Variants in F10 observed in about 807,000 individuals in gnomAD.
The protein encoded by F10 is Stuart-Prower factor.
F10 carries 29 observed loss-of-function variants against 37.1 expected under a neutral mutation model. The ratio of observed to expected loss-of-function variants is 0.78; its 90% CI spans 0.58 to 1.07. The LOEUF is 1.07. Among genes scored for constraint, F10 ranks in the 50% least tolerant of loss-of-function variants. The probability of loss-of-function intolerance (pLI) is 0.00; values close to 1 mark genes in which losing one functional copy is unlikely to be tolerated. For synonymous variants in F10, 262 were observed against 268.6 expected, an observed-to-expected ratio of 0.98 and a Z score of 0.24; for missense variants, 539 against 667.9, an observed-to-expected ratio of 0.81 and a Z score of 2.13.
chr13:113,124,758 G>A (rs571405260), intron 1 of F10, among the ~76,000 whole-genome samples: 5 of 152,260 alleles, frequency 3.3e-5, no homozygotes, highest in Non-Finnish European at 5.9e-5. Context: ...TACAAGAAAG[G>A]ACAATGGACC....
intron 2 of F10, among the ~76,000 whole-genome samples, chr13:113,133,747 C>A (rs1595090741): frequency 6.6e-6 from 1 of 152,282 alleles, no homozygotes; most frequent in East Asian, 1.9e-4. Context: ...AACAATATCT[C>A]TCATGAATCT....
At position 113,129,594 on chromosome 13, in the gene F10, T is replaced by TGAG; in HGVS notation, c.216_218dup (p.Glu72dup). 6.2e-7 allele frequency: 1 copy of TGAG among 1,614,160 alleles called. No individual in the cohort carries two copies. The highest frequency in any genetic ancestry group is 8.5e-7 in the Non-Finnish European group (1 of 1,180,014). Reference sequence around the variant, plus strand: ...CATACGAAGAGGCCCGCGAGGTCTTTGAGGACAGCGACAAGACGGTAAGGG... The same window carrying TGAG: ...CATACGAAGAGGCCCGCGAGGTCTTTGAGGAGGACAGCGACAAGACGGTAAGGG... On this transcript the variant is annotated inframe_insertion, in exon 2 of 8. Coordinates refer to ENST00000375559, the MANE Select transcript of F10 (RefSeq NM_000504.4).
rs1316981649 is a variant in F10, at chr13:113,148,931, A to T, written c.881A>T (p.Glu294Val). 1.9e-6 allele frequency: 3 copies of T among 1,613,424 alleles called. No homozygotes were observed. The Admixed American group carries it at 5.0e-5, about 27-fold the overall frequency. ...TCTGTCCCAGGGGACCGGAACACGG[A>T]GCAGGAGGAGGGCGGTGAGGCGGTG... is the stretch of plus-strand genomic sequence containing the variant. ...FKVRVGDRNT[E>V]QEEGGEAVHE... Residue 294 changes from glutamate (E) to valine (V), a missense_variant, in exon 8 of 8, where the codon GAG becomes GTG. By Grantham distance (121) the Glu-to-Val change is moderately radical. This residue lies in a region of F10 where 409 missense variants were observed against 547.9 expected (regional missense o/e 0.75). Coordinates refer to ENST00000375559, the MANE Select transcript of F10 (RefSeq NM_000504.4).
intron 1 of F10, chr13:113,128,956 G>A (rs1367994248): frequency 5.9e-6 from 1 of 170,790 alleles, no homozygotes; most frequent in African/African-American, 2.4e-5. Context: ...ATGGTAAGGG[G>A]GTTCTCTACA....
In F10 at chr13:113,146,007, T is replaced by C. The variant is rs1270600127; in HGVS notation, c.748-1372T>C. On this transcript the variant is annotated intron_variant, in intron 6 of 7. Coordinates refer to ENST00000375559, the MANE Select transcript of F10 (RefSeq NM_000504.4). This position sits in a 1 kb window ranked among gnomAD's most constrained non-coding sequence, Gnocchi z 4.5. ...CAGCGCCCAAAACCAGAATGTCCTCTCCTACAAGCAAGAATCTCAGAGCTG... is the reference window on the plus strand; with the variant it reads ...CAGCGCCCAAAACCAGAATGTCCTCCCCTACAAGCAAGAATCTCAGAGCTG... 1.3e-5 allele frequency among the ~76,000 whole-genome samples: 2 copies of C among 152,170 alleles called. No individual in the cohort carries two copies. Among genetic ancestry groups the C allele is most frequent in the Admixed American group, 1.3e-4 (2 of 15,280 alleles).
intron 2 of F10, chr13:113,130,010 G>C (rs1226730667): frequency 1.2e-5 from 4 of 336,242 alleles, no homozygotes; most frequent in Admixed American, 8.3e-5. Flanking sequence ...TCCTGCCTTG[G>C]CCTCCGTAGT....
chr13:113,125,944 G>A (rs956599454), intron 1 of F10, among the ~76,000 whole-genome samples: 16 of 152,054 alleles, frequency 1.1e-4, no homozygotes, highest in Non-Finnish European at 1.8e-4. Flanking sequence ...TGGGGGCAAC[G>A]TCAGAGGGCG....
In F10 at chr13:113,144,144, G is replaced by C; in HGVS notation, c.747+49G>C. On this transcript the variant is annotated intron_variant, in intron 6 of 7. Coordinates refer to ENST00000375559, the MANE Select transcript of F10 (RefSeq NM_000504.4). This position sits in a 1 kb window ranked among gnomAD's most constrained non-coding sequence, Gnocchi z 6.4. ...GCCTGCTGGAGAGACCACCTGTCCC[G>C]CTGTGCACCTCGGGGAGGCCAGCCT... 1 of 1,611,010 alleles carries C rather than the reference G, an allele frequency of 6.2e-7. No homozygotes were observed. The highest frequency in any genetic ancestry group is 1.7e-4 in the Middle Eastern group (1 of 5,964).
At chr13:113,124,652 A>G (rs1272352055) in intron 1 of F10, among the ~76,000 whole-genome samples, 1 of 152,254 alleles carries the variant, frequency 6.6e-6, no homozygotes, top group Non-Finnish European at 1.5e-5. Context: ...TGCGCACAGC[A>G]TCTGCAGTCT....
At chr13:113,124,573 G>A (rs2036352689) in intron 1 of F10, among the ~76,000 whole-genome samples, 1 of 152,234 alleles carries the variant, frequency 6.6e-6, no homozygotes, top group African/African-American at 2.4e-5. Context: ...GGGTGGGGCT[G>A]AACACAGGTC....
At position 113,143,877 on chromosome 13, in the gene F10, C is replaced by T; in HGVS notation, c.529C>T (p.Leu177=). 1.2e-6 allele frequency: 2 copies of T among 1,613,156 alleles called. No homozygotes were observed. Among genetic ancestry groups the T allele is most frequent in the South Asian group, 2.2e-5 (2 of 91,082 alleles). Residue 177 remains leucine (L), a synonymous_variant, in exon 6 of 8, where the codon CTG becomes TTG. Transcript: ENST00000375559. The surrounding 1 kb of genome is among the most constrained non-coding windows in gnomAD (Gnocchi z 6.8). ...GCCCTACCCCTGTGGGAAACAGACC[C>T]TGGAACGCAGGAAGAGGTCAGTGGC... ...TGPYPCGKQT[L]ERRKRSVAQA... is the part of the protein sequence containing the mutation.
Position 113,139,946 on chromosome 13 carries a change from G to A in F10, c.370+476G>A, listed in dbSNP as rs1055690097. 1.3e-5 allele frequency among the ~76,000 whole-genome samples: 2 copies of A among 152,096 alleles called. No homozygotes were observed. Among genetic ancestry groups the A allele is most frequent in the Non-Finnish European group, 2.9e-5 (2 of 68,022 alleles). On this transcript the variant is annotated intron_variant, in intron 4 of 7. Coordinates refer to ENST00000375559, the MANE Select transcript of F10 (RefSeq NM_000504.4). This position sits in a 1 kb window ranked among gnomAD's most constrained non-coding sequence, Gnocchi z 5.2. ...ATTTGATACATTTAATTAGTTCTAC[G>A]TGGAAAAATCACTAAGTGCTTTCTC... is the stretch of plus-strand genomic sequence containing the variant.
Position 113,143,431 on chromosome 13 carries a change from G to A in F10, c.503-420G>A, listed in dbSNP as rs1325228848. On this transcript the variant is annotated intron_variant, in intron 5 of 7. Transcript: ENST00000375559. This position sits in a 1 kb window ranked among gnomAD's most constrained non-coding sequence, Gnocchi z 6.8. ...CACACAGCACACTGGAAAGAATTTT[G>A]CAGGGAGTCGCACACGCCCAGCACT... Among the ~76,000 whole-genome samples the A allele has an allele frequency of 6.6e-6, 1 of 152,078 alleles. No homozygotes were observed.
chr13:113,147,015 A>C (rs1014733140), intron 6 of F10, among the ~76,000 whole-genome samples: 1 of 152,192 alleles, frequency 6.6e-6, no homozygotes, highest in African/African-American at 2.4e-5. Context: ...GAGGCAGATG[A>C]TGTTTCTGCA....
At chr13:113,136,088 G>A (rs1292135373) in intron 2 of F10, among the ~76,000 whole-genome samples, 2 of 152,268 alleles carry the variant, frequency 1.3e-5, no homozygotes, top group Middle Eastern at 3.4e-3. Flanking sequence ...GACCTTAACA[G>A]CCAACTCGCC....
intron 6 of F10, among the ~76,000 whole-genome samples, chr13:113,145,681 C>T (rs1326212958): frequency 3.9e-5 from 6 of 152,238 alleles, no homozygotes; most frequent in African/African-American, 9.6e-5. Flanking sequence ...GAGGCCTCAC[C>T]GTCACGGTGG....
intron 1 of F10, 103 bp from the exon 2 acceptor site, chr13:113,129,349 T>G (rs2036402650): frequency 6.9e-6 from 10 of 1,453,262 alleles, no homozygotes; most frequent in Non-Finnish European, 9.6e-6. Context: ...CCGCCTTTTG[T>G]GATCTGGATA....
Position 113,146,414 on chromosome 13 carries a change from G to T in F10, c.748-965G>T, listed in dbSNP as rs45440195. ...GAGCTGCAGGCGGGGTTTTGGAGGGGTTCCTGGGCTGGGGGACCAGGGTGG... is the reference window on the plus strand; with the variant it reads ...GAGCTGCAGGCGGGGTTTTGGAGGGTTTCCTGGGCTGGGGGACCAGGGTGG... On this transcript the variant is annotated intron_variant, in intron 6 of 7. Transcript: ENST00000375559. The surrounding 1 kb of genome is among the most constrained non-coding windows in gnomAD (Gnocchi z 4.5). Among the ~76,000 whole-genome samples, 2 of 152,280 alleles carry T rather than the reference G, an allele frequency of 1.3e-5. No individual in the cohort carries two copies. Among genetic ancestry groups the T allele is most frequent in the African/African-American group, 2.4e-5 (1 of 41,568 alleles).
At chr13:113,140,203 A>G (rs2036514520) in intron 4 of F10, among the ~76,000 whole-genome samples, 1 of 151,166 alleles carries the variant, frequency 6.6e-6, no homozygotes, top group Non-Finnish European at 1.5e-5. Flanking sequence ...CCTCCCAAGT[A>G]GCTGGGACTA....
Sources: gnomAD v4.1 joint callset for allele counts (sites outside exome capture counted in the v4.1 genomes callset) on GRCh38, gnomAD v4.1.1 for gene constraint, gnomAD v4.1.1 regional missense constraint, Gnocchi (gnomAD v3.1) non-coding constraint, MANE v1.5 for transcripts, NCBI Gene and HGNC (gene_info 2026-07-23, HGNC 2026-07-21) for gene names.